The following MAPK10 variants were observed in gnomAD, a reference collection of about 807,000 sequenced individuals.
The protein encoded by MAPK10 is JNK3 alpha protein kinase.
In MAPK10, 25 loss-of-function variants were observed where a neutral mutation model predicts 59.3. That is an observed-to-expected ratio of 0.42 (90% CI 0.31 to 0.59). The LOEUF (loss-of-function observed/expected upper bound fraction) is 0.59, where lower values mean the gene tolerates loss of function less well. Ranked by LOEUF, MAPK10 falls within the 20% of genes least tolerant of loss-of-function variation. MAPK10 has a pLI of 0.15. For synonymous variants in MAPK10, 190 were observed against 200.5 expected, an observed-to-expected ratio of 0.95 and a Z score of 0.44; for missense variants, 351 against 568.9, an observed-to-expected ratio of 0.62 and a Z score of 3.90.
intron 1 of MAPK10, among the ~76,000 whole-genome samples, chr4:86,375,668 G>C (rs1056205546): frequency 8.4e-6 from 1 of 119,182 alleles, no homozygotes; most frequent in African/African-American, 3.2e-5. Flanking sequence ...TGAGCCATGA[G>C]CATTCCACTG....
At chr4:86,514,661 C>T (rs566707819) in intron 1 of MAPK10, among the ~76,000 whole-genome samples, 1 of 152,278 alleles carries the variant, frequency 6.6e-6, no homozygotes, top group East Asian at 1.9e-4. Context: ...GAAGCATCCA[C>T]AAACCTACAA....
At chr4:86,143,115 A>G (rs922439399) in intron 4 of MAPK10, among the ~76,000 whole-genome samples, 6 of 152,180 alleles carry the variant, frequency 3.9e-5, no homozygotes, top group Admixed American at 1.3e-4. Flanking sequence ...CACATTCTTC[A>G]TAGGGTGGCA....
chr4:86,466,607 A>G (rs995507392), intron 1 of MAPK10, among the ~76,000 whole-genome samples: 1 of 152,236 alleles, frequency 6.6e-6, no homozygotes, highest in African/African-American at 2.4e-5. Flanking sequence ...ATCTCATACC[A>G]TACCCAAATA....
At chr4:86,467,005 A>C (rs565374442) in intron 1 of MAPK10, among the ~76,000 whole-genome samples, 2 of 152,356 alleles carry the variant, frequency 1.3e-5, no homozygotes, top group African/African-American at 4.8e-5. Flanking sequence ...CCTGGAGTGA[A>C]GATGATGTGG....
chr4:86,361,053 T>C (rs2148984355), upstream of MAPK10, among the ~76,000 whole-genome samples: 1 of 152,330 alleles, frequency 6.6e-6, no homozygotes, highest in Admixed American at 6.5e-5. Context: ...TGCTGAGTTG[T>C]AAATGATTCC....
At chr4:86,176,792 G>A (rs2075781142) in intron 3 of MAPK10, among the ~76,000 whole-genome samples, 2 of 151,962 alleles carry the variant, frequency 1.3e-5, no homozygotes, top group African/African-American at 2.4e-5. Context: ...CAGGTAGACC[G>A]TTATCATGAC....
chr4:86,053,449 C>T (rs2043947508), intron 11 of MAPK10, among the ~76,000 whole-genome samples: 1 of 152,048 alleles, frequency 6.6e-6, no homozygotes, highest in African/African-American at 2.4e-5. Context: ...TGCAAATTAC[C>T]AAAAGAGTTA....
chr4:86,549,577 G>A (rs939406300), intron 1 of MAPK10, among the ~76,000 whole-genome samples: 6 of 152,202 alleles, frequency 3.9e-5, no homozygotes, highest in African/African-American at 1.4e-4. Flanking sequence ...TGAGTGAGTG[G>A]TGACTAAATG....
intron 4 of MAPK10, 128 bp from the exon 5 acceptor site, chr4:86,107,480 A>G: frequency 1.5e-6 from 2 of 1,370,452 alleles, no homozygotes; most frequent in Non-Finnish European, 1.9e-6. Context: ...CTCTGGTCAC[A>G]TGCCAATCAG....
chr4:86,232,730 C>A (rs900211312), intron 2 of MAPK10, among the ~76,000 whole-genome samples: 2 of 152,294 alleles, frequency 1.3e-5, no homozygotes, highest in Admixed American at 1.3e-4. Context: ...ACATTTAGCT[C>A]AATCAAACCA....
intron 13 of MAPK10, among the ~76,000 whole-genome samples, chr4:86,022,841 T>C (rs1167067314): frequency 2.0e-5 from 3 of 152,194 alleles, no homozygotes; most frequent in Non-Finnish European, 4.4e-5. Flanking sequence ...TGGGTACAAG[T>C]TACTTAATGA....
intron 1 of MAPK10, among the ~76,000 whole-genome samples, chr4:86,561,239 T>C (rs1326073366): frequency 6.6e-6 from 1 of 152,176 alleles, no homozygotes; most frequent in African/African-American, 2.4e-5. Context: ...TAACAGGCCA[T>C]GGACCCATAA....
chr4:86,487,656 G>A (rs1249947596), intron 1 of MAPK10, among the ~76,000 whole-genome samples: 1 of 151,316 alleles, frequency 6.6e-6, no homozygotes, highest in East Asian at 1.9e-4. Flanking sequence ...GTGTGAACCT[G>A]GGAGGCAGAG....
At chr4:86,582,417 G>T (rs537485892) in intron 1 of MAPK10, among the ~76,000 whole-genome samples, 4 of 152,018 alleles carry the variant, frequency 2.6e-5, no homozygotes, top group African/African-American at 9.6e-5. Context: ...ATCAAGCAAG[G>T]GTTTTTGCAC....
chr4:86,148,505 A>G (rs2065553795), intron 4 of MAPK10, among the ~76,000 whole-genome samples: 1 of 152,164 alleles, frequency 6.6e-6, no homozygotes, highest in South Asian at 2.1e-4. Flanking sequence ...AGGAGGGGGA[A>G]AGGGATATCA....
At chr4:86,021,923 C>T (rs890703774) in intron 13 of MAPK10, among the ~76,000 whole-genome samples, 1 of 152,238 alleles carries the variant, frequency 6.6e-6, no homozygotes, top group Non-Finnish European at 1.5e-5. Flanking sequence ...GCCAAGCCCA[C>T]GCCTACCTGC....
At chr4:86,076,641 A>G (rs1183798391) in intron 9 of MAPK10, among the ~76,000 whole-genome samples, 1 of 152,200 alleles carries the variant, frequency 6.6e-6, no homozygotes, top group Non-Finnish European at 1.5e-5. Flanking sequence ...TCCTTAGTCT[A>G]TCAGGCCAAC....
chr4:86,288,720 C>T (rs1037475835), intron 2 of MAPK10, among the ~76,000 whole-genome samples: 3 of 152,078 alleles, frequency 2.0e-5, no homozygotes, highest in Non-Finnish European at 4.4e-5. Flanking sequence ...AAGTCTTTCT[C>T]CTCCAGAGGC....
At chr4:86,367,683 G>C (rs1046106186) in intron 1 of MAPK10, among the ~76,000 whole-genome samples, 1 of 151,074 alleles carries the variant, frequency 6.6e-6, no homozygotes, top group South Asian at 2.1e-4. Flanking sequence ...GTTTTTTTTG[G>C]TGAAACATGT....
Sources: gnomAD v4.1 joint callset for allele counts (sites outside exome capture counted in the v4.1 genomes callset) on GRCh38, gnomAD v4.1.1 for gene constraint, MANE v1.5 for transcripts, NCBI Gene and HGNC (gene_info 2026-07-23, HGNC 2026-07-21) for gene names.